Variants in PCDH15 observed in about 807,000 individuals in gnomAD.
The protein encoded by PCDH15 is protocadherin related 15.
PCDH15 carries 129 observed loss-of-function variants against 178.5 expected under a neutral mutation model. The ratio of observed to expected loss-of-function variants is 0.72; its 90% CI spans 0.63 to 0.84. The LOEUF is 0.84. Ranked by LOEUF, PCDH15 falls within the 40% of genes least tolerant of loss-of-function variation. The pLI, the probability that PCDH15 is intolerant of heterozygous loss-of-function variation, is 0.00. For synonymous variants in PCDH15, 800 were observed against 732.0 expected, an observed-to-expected ratio of 1.09 and a Z score of -1.50; for missense variants, 2,230 against 2,099.9, an observed-to-expected ratio of 1.06 and a Z score of -1.21.
chr10:54,378,788 A>C lies in PCDH15; in HGVS notation c.312T>G (p.Asp104Glu). ...LFLNSTGRVL[D>E]RDPPMNIHSI... ...AAGAAAAAAAATCACTAACATCTCT[A>C]TCCAGAACTCTTCCGGTGCTGTTCA... Residue 104 changes from aspartate (D) to glutamate (E), a missense_variant, in exon 4 of 38, where the codon GAT becomes GAG. Transcript: ENST00000644397. 2 of 1,613,690 alleles carry C rather than the reference A, an allele frequency of 1.2e-6. No homozygotes were observed. The highest frequency in any genetic ancestry group is 1.7e-6 in the Non-Finnish European group (2 of 1,179,774).
chr10:54,109,850 G>T (rs1177480068), intron 15 of PCDH15, among the ~76,000 whole-genome samples: 2 of 152,066 alleles, frequency 1.3e-5, no homozygotes, highest in Non-Finnish European at 2.9e-5. Flanking sequence ...AGTATAATCA[G>T]TTTTTTTGTA....
chr10:54,004,752 T>C (rs11003993), intron 20 of PCDH15, among the ~76,000 whole-genome samples: 14,025 of 151,814 alleles, frequency 0.092, 1,857 homozygotes, highest in African/African-American at 0.29. Context: ...ACAGATTCAA[T>C]GCAATCCCTG....
chr10:54,729,173 G>A (rs779426568), intron 1 of PCDH15, among the ~76,000 whole-genome samples: 4 of 151,270 alleles, frequency 2.6e-5, no homozygotes, highest in South Asian at 4.1e-4. Flanking sequence ...TAAATTATAC[G>A]ACAAGGCAAT....
At chr10:55,146,019 A>G (rs924629989) in intron 2 of PCDH15, among the ~76,000 whole-genome samples, 1 of 90,960 alleles carries the variant, frequency 1.1e-5, no homozygotes, top group African/African-American at 3.5e-5. Flanking sequence ...TTAGCAAACC[A>G]AAGAAATTTT....
intron 3 of PCDH15, among the ~76,000 whole-genome samples, chr10:54,891,073 C>T (rs1056102445): frequency 2.6e-5 from 4 of 151,846 alleles, no homozygotes; most frequent in South Asian, 4.2e-4. Context: ...CTTTTGACAC[C>T]GATGCACCAT....
chr10:54,638,485 A>G (rs1234423518), intron 2 of PCDH15, among the ~76,000 whole-genome samples: 1 of 152,146 alleles, frequency 6.6e-6, no homozygotes, highest in Non-Finnish European at 1.5e-5. Flanking sequence ...TCATTCAGTA[A>G]TAACTAAAAT....
intron 2 of PCDH15, among the ~76,000 whole-genome samples, chr10:55,501,308 G>T (rs1840650920): frequency 6.6e-6 from 1 of 151,700 alleles, no homozygotes; most frequent in African/African-American, 2.4e-5. Flanking sequence ...CTCCAGAACT[G>T]TGAGAGATTA....
At chr10:54,332,092 T>C (rs894262569) in intron 6 of PCDH15, among the ~76,000 whole-genome samples, 4 of 149,928 alleles carry the variant, frequency 2.7e-5, no homozygotes, top group Non-Finnish European at 5.9e-5. Context: ...GATAGCAGAG[T>C]ATAAAATAAA....
intron 1 of PCDH15, among the ~76,000 whole-genome samples, chr10:55,315,854 A>G (rs1054786721): frequency 1.3e-5 from 2 of 152,044 alleles, no homozygotes; most frequent in Non-Finnish European, 2.9e-5. Flanking sequence ...CGTCTCTACT[A>G]AAAATACAAA....
intron 26 of PCDH15, among the ~76,000 whole-genome samples, chr10:53,888,702 T>TATATATATATATATA (rs1554845542): frequency 0.06 from 2,746 of 46,112 alleles, 821 homozygotes; most frequent in Non-Finnish European, 0.087. Context: ...TATATATATA[T>TATATATATATATATA]ATCTCCTGTG....
intron 2 of PCDH15, among the ~76,000 whole-genome samples, chr10:54,580,630 C>T (rs1387721461): frequency 6.6e-6 from 1 of 151,878 alleles, no homozygotes; most frequent in Non-Finnish European, 1.5e-5. Flanking sequence ...CAAAACCTGG[C>T]AGATAAACAA....
chr10:54,823,783 T>A (rs1215438957), intron 3 of PCDH15, among the ~76,000 whole-genome samples: 4 of 152,038 alleles, frequency 2.6e-5, no homozygotes, highest in African/African-American at 7.2e-5. Flanking sequence ...TTAGAAAAAA[T>A]AATGGAAATT....
chr10:54,137,710 G>A (rs1339443917), intron 14 of PCDH15, among the ~76,000 whole-genome samples: 3 of 152,176 alleles, frequency 2.0e-5, no homozygotes. Context: ...CAGTCAGTGA[G>A]TTGGATTTGA....
chr10:54,041,928 T>C (rs561355114), intron 18 of PCDH15, among the ~76,000 whole-genome samples: 1 of 152,106 alleles, frequency 6.6e-6, no homozygotes, highest in Non-Finnish European at 1.5e-5. Context: ...TGACAATAGA[T>C]ACAGTACCTC....
chr10:55,034,528 C>T (rs140575365), intron 2 of PCDH15, among the ~76,000 whole-genome samples: 151 of 152,164 alleles, frequency 9.9e-4, no homozygotes, highest in African/African-American at 3.5e-3. Flanking sequence ...GCCTACTATA[C>T]GCCAACCAGT....
Position 55,515,709 on chromosome 10 carries a change from G to A in PCDH15, c.-156+111916C>T, listed in dbSNP as rs189668549. 4.0e-3 allele frequency among the ~76,000 whole-genome samples: 613 copies of A among 151,924 alleles called. 5 individuals carry two copies. The highest frequency in any genetic ancestry group is 0.014 in the African/African-American group (577 of 41,446). ...AAAATATACTGTAACCAAAAAGGTC[G>A]AGAAATGCCACCTTAAAAAAAAGTC... On this transcript the variant is annotated intron_variant, in intron 2 of 5. Transcript: ENST00000613346.
chr10:54,370,138 C>T (rs1947436926), intron 4 of PCDH15, among the ~76,000 whole-genome samples: 1 of 151,888 alleles, frequency 6.6e-6, no homozygotes, highest in South Asian at 2.1e-4. Flanking sequence ...AGTGCCATGG[C>T]TAACAGTTTG....
At position 55,348,082 on chromosome 10, in the gene PCDH15, A is replaced by G. The variant is rs913621091; in HGVS notation, c.-155-181431T>C. Among the ~76,000 whole-genome samples the G allele has an allele frequency of 4.8e-4, 73 of 152,108 alleles. 1 individual carries two copies. Among genetic ancestry groups the G allele is most frequent in the Admixed American group, 1.3e-4 (2 of 15,230 alleles). On this transcript the variant is annotated intron_variant, in intron 2 of 5. Transcript: ENST00000613346. ...TTTTAAAAATTTTAATCACACAAGGAATACTTGGGCCCACATGCTGTACTA... is the reference window on the plus strand; with the variant it reads ...TTTTAAAAATTTTAATCACACAAGGGATACTTGGGCCCACATGCTGTACTA...
chr10:54,999,545 G>C (rs1839743449), intron 2 of PCDH15, among the ~76,000 whole-genome samples: 1 of 152,148 alleles, frequency 6.6e-6, no homozygotes, highest in Admixed American at 6.5e-5. Context: ...GGCTGCGATG[G>C]TGTGTGTGGA....
Sources: allele counts gnomAD v4.1 joint callset (sites outside exome capture counted in the v4.1 genomes callset), GRCh38; gene constraint gnomAD v4.1.1; transcripts MANE v1.5; gene names NCBI Gene and HGNC (gene_info 2026-07-23, HGNC 2026-07-21).